MDN1: variants seen among roughly 807,000 people sequenced by gnomAD.
MDN1 encodes the protein midasin.
In MDN1, 266 loss-of-function variants were observed where a neutral mutation model predicts 669.2. The ratio of observed to expected loss-of-function variants is 0.40; its 90% CI spans 0.36 to 0.44. The LOEUF (loss-of-function observed/expected upper bound fraction) is 0.44. Ranked by LOEUF, MDN1 falls within the 20% of genes least tolerant of loss-of-function variation. The probability of loss-of-function intolerance (pLI) is 1.00; values close to 1 mark genes in which losing one functional copy is unlikely to be tolerated. For synonymous variants in MDN1, 2,385 were observed against 2,457.1 expected, an observed-to-expected ratio of 0.97 and a Z score of 0.87; for missense variants, 5,940 against 6,754.0, an observed-to-expected ratio of 0.88 and a Z score of 4.22.
intron 7 of MDN1, among the ~76,000 whole-genome samples, chr6:89,789,191 T>C (rs1450050089): frequency 6.6e-6 from 1 of 152,150 alleles, no homozygotes; most frequent in Non-Finnish European, 1.5e-5. Context: ...GGAAGAATAT[T>C]TCATCCTGCA....
At chr6:89,676,872 T>C (rs985862595) in intron 76 of MDN1, among the ~76,000 whole-genome samples, 2 of 152,284 alleles carry the variant, frequency 1.3e-5, no homozygotes, top group African/African-American at 2.4e-5. Flanking sequence ...CCTGTCTCAA[T>C]AGTGTATGGA....
chr6:89,733,791 A>T (rs1328060423), intron 33 of MDN1, among the ~76,000 whole-genome samples: 1 of 152,112 alleles, frequency 6.6e-6, no homozygotes. Flanking sequence ...CAGGTAAATT[A>T]AAAAAATGAA....
At position 89,743,212 on chromosome 6, in the gene MDN1, G is replaced by A. The variant is rs775769867; in HGVS notation, c.4386C>T (p.Asp1462=). 4.3e-6 allele frequency: 7 copies of A among 1,613,956 alleles called. No homozygotes were observed. Among genetic ancestry groups the A allele is most frequent in the Middle Eastern group, 1.6e-4 (1 of 6,084 alleles). ...AGATCTCATCCAAGAGGAAAAAGCC[G>A]TCCTCCTTCATGGCCTGAACCAGAG... ...DGPLVQAMKE[D]GFFLLDEISL... is the part of the protein sequence containing the mutation. The change falls in exon 31 of 102, where the codon GAC becomes GAT. Residue 1462 remains aspartate, a synonymous_variant. Transcript: ENST00000369393.
Position 89,716,780 on chromosome 6 carries a change from T to G in MDN1, c.6613A>C (p.Ser2205Arg), listed in dbSNP as rs1243534587. ...AACTGCGTAAGCTTCACACCAAAGCTTCGGAACTCTTCAACAAGTTTGGCA... is the reference window on the plus strand; with the variant it reads ...AACTGCGTAAGCTTCACACCAAAGCGTCGGAACTCTTCAACAAGTTTGGCA... ...EFAKLVEEFR[S>R]FGVKLTQLAS... Residue 2205 changes from serine (S) to arginine (R), a missense_variant, in exon 44 of 102, where the codon AGC becomes CGC. Physicochemically the swap from Ser to Arg is moderately radical, Grantham distance 110. This residue lies in a region of MDN1 where 2,292 missense variants were observed against 2,638.3 expected (regional missense o/e 0.87). Transcript: ENST00000369393. 3 of 1,609,046 alleles carry G rather than the reference T, an allele frequency of 1.9e-6. No homozygotes were observed. The highest frequency in any genetic ancestry group is 2.5e-6 in the Non-Finnish European group (3 of 1,178,366).
intron 78 of MDN1, 81 bp downstream of exon 78, chr6:89,675,383 T>TC (rs1811111261): frequency 8.6e-7 from 1 of 1,156,548 alleles, no homozygotes. Context: ...CTTATTCCTC[T>TC]CCCCACATGC....
intron 1 of MDN1, among the ~76,000 whole-genome samples, chr6:89,818,464 C>T (rs184216315): frequency 3.3e-5 from 5 of 151,046 alleles, no homozygotes; most frequent in African/African-American, 9.7e-5. Context: ...GGGGACCTTA[C>T]AACTACAAAA....
At chr6:89,693,958 C>A in intron 62 of MDN1, 116 bp downstream of exon 62, 2 of 793,484 alleles carry the variant, frequency 2.5e-6, no homozygotes, top group Admixed American at 2.2e-5. Context: ...GCTTTGGCAT[C>A]TAATTGCTAA....
intron 84 of MDN1, among the ~76,000 whole-genome samples, chr6:89,666,839 T>C (rs1810283655): frequency 6.6e-6 from 1 of 152,248 alleles, no homozygotes; most frequent in African/African-American, 2.4e-5. Context: ...ATTTCCATGT[T>C]GATACATACA....
chr6:89,753,955 TA>T, intron 21 of MDN1, 127 bp downstream of exon 21: 1 of 812,624 alleles, frequency 1.2e-6, no homozygotes. Flanking sequence ...GTAAATCTGG[TA>T]AGAGGTATTA....
chr6:89,813,616 A>G (rs551209201), intron 1 of MDN1, among the ~76,000 whole-genome samples: 1 of 151,762 alleles, frequency 6.6e-6, no homozygotes, highest in South Asian at 2.1e-4. Flanking sequence ...CTGTTGTCCC[A>G]GCTACTCAGA....
chr6:89,737,947 C>A (rs1816083398), intron 33 of MDN1, among the ~76,000 whole-genome samples: 2 of 152,128 alleles, frequency 1.3e-5, no homozygotes, highest in African/African-American at 4.8e-5. Context: ...TGCTCTCGAA[C>A]TCCTGACCTC....
In MDN1 at chr6:89,643,993, CTTCTTTCTG is replaced by C; in HGVS notation, c.*3_*11del. On this transcript the variant is annotated 3_prime_UTR_variant, in exon 102 of 102. Transcript: ENST00000369393. ...CCACAGTTAAGTCTCACTTTGGACT[CTTCTTTCTG>C]TTCTATGGGTGGTCAGAGGCTGTCA... is the stretch of plus-strand genomic sequence containing the variant. 6.3e-7 allele frequency: 1 copy of C among 1,593,412 alleles called. No individual in the cohort carries two copies. Among genetic ancestry groups the C allele is most frequent in the Non-Finnish European group, 8.5e-7 (1 of 1,170,394 alleles).
Position 89,689,865 on chromosome 6 carries a change from C to A in MDN1, c.11023+5G>T. 1 of 1,613,106 alleles carries A rather than the reference C, an allele frequency of 6.2e-7. No individual in the cohort carries two copies. Among genetic ancestry groups the A allele is most frequent in the South Asian group, 1.1e-5 (1 of 90,974 alleles). ...CAGGGGCATAACAAAAGTAAACTAC[C>A]ATACCCATCAGGGGGTAGAAGTGTG... On this transcript the variant is annotated splice_donor_5th_base_variant and intron_variant, in intron 65 of 101. Coordinates refer to ENST00000369393, the MANE Select transcript of MDN1 (RefSeq NM_014611.3).
At position 89,713,261 on chromosome 6, in the gene MDN1, T is replaced by C. The variant is rs141162454; in HGVS notation, c.7105A>G (p.Thr2369Ala). The C allele has an allele frequency of 2.4e-4, 388 of 1,613,834 alleles. 3 individuals are homozygous for C. The African/African-American group carries it at 4.8e-3, about 20-fold the overall frequency. The change falls in exon 47 of 102, where the codon ACA (threonine) becomes GCA (alanine). Residue 2369 changes from threonine (T) to alanine (A), a missense_variant. By Grantham distance (58) the Thr-to-Ala change is moderately conservative. Transcript: ENST00000369393. ...PTSSVSTLIQTAILIVQYLQR... is the reference protein window; with the variant it reads ...PTSSVSTLIQAAILIVQYLQR... ...AGGTACTGGACAATTAGTATGGCTG[T>C]CTGGATTAGAGTTGATACAGAAGAT...
intron 9 of MDN1, among the ~76,000 whole-genome samples, chr6:89,784,383 C>G (rs867161904): frequency 5.3e-5 from 8 of 152,054 alleles, no homozygotes; most frequent in Non-Finnish European, 8.8e-5. Context: ...ACCTATATAC[C>G]TACATCAATA....
chr6:89,783,258 C>T (rs150555712), intron 9 of MDN1, among the ~76,000 whole-genome samples: 4 of 152,130 alleles, frequency 2.6e-5, no homozygotes, highest in Non-Finnish European at 2.9e-5. Context: ...ATTAATACCC[C>T]GGGAAAGGAA....
chr6:89,736,025 T>C lies in MDN1; in HGVS notation c.4723+2301A>G, dbSNP rs150564061. Among the ~76,000 whole-genome samples, 1,067 of 152,346 alleles carry C rather than the reference T, an allele frequency of 7.0e-3. 9 individuals carry two copies. Among genetic ancestry groups the C allele is most frequent in the Non-Finnish European group, 0.012 (823 of 68,038 alleles). On this transcript the variant is annotated intron_variant, in intron 33 of 101. Transcript: ENST00000369393. ...AAAAATAAATAAATTCATCAAATCT[T>C]AACTATCTTTAAAGAAAATCTAAAA...
Position 89,794,094 on chromosome 6 carries a change from GC to G in MDN1, c.662+5del, listed in dbSNP as rs747684433. The G allele has an allele frequency of 1.6e-4, 241 of 1,550,074 alleles. No individual in the cohort carries two copies. The highest frequency in any genetic ancestry group is 5.3e-4 in the Admixed American group (26 of 49,074). On this transcript the variant is annotated splice_donor_5th_base_variant and intron_variant, in intron 4 of 101. Transcript: ENST00000369393. Reference sequence around the variant, plus strand: ...TAGCAAGACCTCCACGAAGGTTCCTGCTTACCTCAACCTGAAATGGATCAAT... The same window carrying G: ...TAGCAAGACCTCCACGAAGGTTCCTGTTACCTCAACCTGAAATGGATCAAT...
intron 35 of MDN1, 93 bp from the exon 36 acceptor site, chr6:89,729,232 G>A: frequency 2.1e-6 from 2 of 944,680 alleles, no homozygotes; most frequent in Non-Finnish European, 3.2e-6. Flanking sequence ...TACCACATGG[G>A]TTATCAGTTA....
Sources: gnomAD v4.1 joint callset for allele counts (sites outside exome capture counted in the v4.1 genomes callset) on GRCh38, gnomAD v4.1.1 for gene constraint, gnomAD v4.1.1 regional missense constraint, MANE v1.5 for transcripts, NCBI Gene and HGNC (gene_info 2026-07-23, HGNC 2026-07-21) for gene names.